Variants in NLGN1 observed in about 807,000 individuals in gnomAD.
The protein encoded by NLGN1 is neuroligin-1.
Under a neutral mutation model 65.5 loss-of-function variants are expected in NLGN1, and 12 were observed. That is an observed-to-expected ratio of 0.18 (90% CI 0.12 to 0.30). The LOEUF is 0.30. Ranked by LOEUF, NLGN1 falls within the 10% of genes least tolerant of loss-of-function variation. The pLI is 1.00. For synonymous variants in NLGN1, 350 were observed against 359.5 expected, an observed-to-expected ratio of 0.97 and a Z score of 0.30; for missense variants, 750 against 1,007.1, an observed-to-expected ratio of 0.74 and a Z score of 3.46.
chr3:173,588,341 C>T (rs1157711924), intron 2 of NLGN1, among the ~76,000 whole-genome samples: 1 of 151,858 alleles, frequency 6.6e-6, no homozygotes, highest in Non-Finnish European at 1.5e-5. Flanking sequence ...CACTTTTGTT[C>T]TGTTATTAAT....
At chr3:173,845,606 G>GATA (rs1725596260) in intron 4 of NLGN1, among the ~76,000 whole-genome samples, 1 of 146,934 alleles carries the variant, frequency 6.8e-6, no homozygotes, top group Non-Finnish European at 1.5e-5. Context: ...GTAGGTGGAT[G>GATA]GATAGATAGA....
At chr3:173,728,679 G>A (rs1772255625) in intron 3 of NLGN1, among the ~76,000 whole-genome samples, 2 of 152,076 alleles carry the variant, frequency 1.3e-5, no homozygotes, top group Non-Finnish European at 2.9e-5. Flanking sequence ...CCAGATGGAT[G>A]CATACGTATA....
At chr3:174,125,614 C>T (rs1370732193) in intron 4 of NLGN1, among the ~76,000 whole-genome samples, 3 of 151,970 alleles carry the variant, frequency 2.0e-5, no homozygotes, top group African/African-American at 4.8e-5. Flanking sequence ...TATTCCAGTT[C>T]GGAACTCAAA....
At chr3:173,560,208 A>G (rs1019237572) in intron 2 of NLGN1, among the ~76,000 whole-genome samples, 2 of 152,046 alleles carry the variant, frequency 1.3e-5, no homozygotes, top group African/African-American at 2.4e-5. Context: ...TGGGATTACT[A>G]CAAGCGTGAG....
chr3:173,904,982 C>T (rs754059671), intron 4 of NLGN1, among the ~76,000 whole-genome samples: 1 of 152,168 alleles, frequency 6.6e-6, no homozygotes, highest in Non-Finnish European at 1.5e-5. Context: ...CTGTCCTCTT[C>T]TTGAGGTGAG....
chr3:174,060,106 A>G (rs1327372375), intron 4 of NLGN1, among the ~76,000 whole-genome samples: 1 of 152,114 alleles, frequency 6.6e-6, no homozygotes, highest in Non-Finnish European at 1.5e-5. Flanking sequence ...CTTTTTACAA[A>G]AAATTTGTAT....
intron 2 of NLGN1, among the ~76,000 whole-genome samples, chr3:173,545,327 A>G (rs976792447): frequency 2.0e-5 from 3 of 151,572 alleles, no homozygotes; most frequent in Admixed American, 6.6e-5. Flanking sequence ...ACCCACCTAG[A>G]CCTCCCAAAG....
At chr3:173,853,012 T>G (rs1042618716) in intron 4 of NLGN1, among the ~76,000 whole-genome samples, 1 of 152,248 alleles carries the variant, frequency 6.6e-6, no homozygotes, top group South Asian at 2.1e-4. Context: ...ATATGATTGC[T>G]AATCACAGAT....
intron 4 of NLGN1, among the ~76,000 whole-genome samples, chr3:174,109,219 A>C (rs1205720657): frequency 6.6e-6 from 1 of 152,040 alleles, no homozygotes; most frequent in African/African-American, 2.4e-5. Context: ...TTTTAAAGTA[A>C]TATTATTATA....
At chr3:173,825,925 A>G (rs1216030482) in intron 4 of NLGN1, among the ~76,000 whole-genome samples, 8 of 152,020 alleles carry the variant, frequency 5.3e-5, no homozygotes, top group Non-Finnish European at 1.2e-4. Context: ...GCTCAGATGG[A>G]AACAAGCAAG....
chr3:173,707,971 A>G lies in NLGN1; in HGVS notation c.494-99709A>G, dbSNP rs376670914. On this transcript the variant is annotated intron_variant, in intron 3 of 6. Coordinates refer to ENST00000457714, the Ensembl canonical transcript of NLGN1. ...GGTTCAAAAATTAATGCCTTTTACT[A>G]TCATAAATGTATCACCACAGGTGAC... 7.0e-4 allele frequency among the ~76,000 whole-genome samples: 106 copies of G among 152,356 alleles called. 1 individual carries two copies. Among genetic ancestry groups the G allele is most frequent in the African/African-American group, 2.4e-3 (99 of 41,596 alleles).
chr3:173,408,474 G>A (rs1711752557), intron 1 of NLGN1, among the ~76,000 whole-genome samples: 1 of 152,182 alleles, frequency 6.6e-6, no homozygotes, highest in Non-Finnish European at 1.5e-5. Flanking sequence ...TCTCCTTGAA[G>A]TCACTCTCCA....
chr3:174,189,013 C>T (rs187052476), intron 4 of NLGN1, among the ~76,000 whole-genome samples: 1 of 151,970 alleles, frequency 6.6e-6, no homozygotes, highest in Non-Finnish European at 1.5e-5. Flanking sequence ...ATTAAAGTCA[C>T]ACCAAATATA....
Position 174,247,639 on chromosome 3 carries a change from T to C in NLGN1, c.647-27676T>C, listed in dbSNP as rs74666223. 4.3e-3 allele frequency among the ~76,000 whole-genome samples: 660 copies of C among 152,322 alleles called. 6 individuals carry two copies. The highest frequency in any genetic ancestry group is 0.015 in the African/African-American group (605 of 41,574). ...CTCTTGGTAGTTGACAACTGTCAGC[T>C]GGACCAACTTGCATTCATTATTCAC... On this transcript the variant is annotated intron_variant, in intron 4 of 6. Transcript: ENST00000457714.
intron 4 of NLGN1, among the ~76,000 whole-genome samples, chr3:174,064,149 C>G (rs1737984802): frequency 6.6e-6 from 1 of 151,188 alleles, no homozygotes. Context: ...TCTCAAACAA[C>G]AACAACAACA....
intron 3 of NLGN1, among the ~76,000 whole-genome samples, chr3:173,773,493 G>A (rs528977175): frequency 8.6e-5 from 13 of 151,922 alleles, no homozygotes; most frequent in Admixed American, 1.3e-4. Context: ...TTCATATGTC[G>A]TTTTAAAAAA....
intron 4 of NLGN1, among the ~76,000 whole-genome samples, chr3:174,086,366 A>G (rs953307347): frequency 6.6e-5 from 4 of 60,704 alleles, no homozygotes; most frequent in South Asian, 5.0e-4. Context: ...ATTATATTAT[A>G]TGATTGTTAA....
At chr3:173,711,264 T>C (rs1348733187) in intron 3 of NLGN1, among the ~76,000 whole-genome samples, 4 of 152,210 alleles carry the variant, frequency 2.6e-5, no homozygotes, top group African/African-American at 9.6e-5. Flanking sequence ...AGATGCTTTA[T>C]GGCTAAAAAC....
chr3:173,828,926 T>C (rs1432529795), intron 4 of NLGN1, among the ~76,000 whole-genome samples: 3 of 141,192 alleles, frequency 2.1e-5, no homozygotes, highest in Admixed American at 2.0e-4. Flanking sequence ...AATTTGTTGC[T>C]TTTTGGGGGG....
Sources: allele counts gnomAD v4.1 joint callset (sites outside exome capture counted in the v4.1 genomes callset), GRCh38; gene constraint gnomAD v4.1.1; transcripts MANE v1.5; gene names NCBI Gene and HGNC (gene_info 2026-07-23, HGNC 2026-07-21).